The following CTNNA3 variants were observed in gnomAD, a reference collection of about 807,000 sequenced individuals.
CTNNA3 encodes catenin alpha-3.
CTNNA3 carries 76 observed loss-of-function variants against 95.7 expected under a neutral mutation model. The ratio of observed to expected loss-of-function variants is 0.79; its 90% confidence interval spans 0.66 to 0.96. CTNNA3 has a LOEUF of 0.96. Among genes scored for constraint, CTNNA3 ranks in the 40% least tolerant of loss-of-function variants. The pLI, the probability that CTNNA3 is intolerant of heterozygous loss-of-function variation, is 0.00. For synonymous variants in CTNNA3, 431 were observed against 374.4 expected (o/e 1.15, Z -1.74); for missense variants, 1,191 against 1,089.8 (o/e 1.09, Z -1.31).
chr10:66,077,836 C>A (rs1363979027), intron 14 of CTNNA3, among the ~76,000 whole-genome samples: 2 of 151,572 alleles, frequency 1.3e-5, no homozygotes, highest in Non-Finnish European at 3.0e-5. Context: ...AGGTGAAGAT[C>A]CAAGCCTTTA....
At chr10:67,029,472 C>T (rs1200652525) in intron 7 of CTNNA3, among the ~76,000 whole-genome samples, 1 of 152,102 alleles carries the variant, frequency 6.6e-6, no homozygotes, top group Non-Finnish European at 1.5e-5. Flanking sequence ...TTAGGAAAAG[C>T]ATGATAACCG....
At chr10:66,681,495 G>T (rs905834355) in intron 9 of CTNNA3, among the ~76,000 whole-genome samples, 2 of 152,100 alleles carry the variant, frequency 1.3e-5, no homozygotes, top group Admixed American at 6.6e-5. Context: ...GTCTGAAAAT[G>T]AATTTATCCA....
chr10:67,233,138 A>G (rs965202868), intron 5 of CTNNA3, among the ~76,000 whole-genome samples: 53 of 152,316 alleles, frequency 3.5e-4, no homozygotes, highest in Middle Eastern at 3.4e-3. Context: ...CAGGAATTGA[A>G]CTCAGCTCCG....
At chr10:66,330,863 T>C (rs559599958) in intron 12 of CTNNA3, among the ~76,000 whole-genome samples, 8 of 152,214 alleles carry the variant, frequency 5.3e-5, no homozygotes, top group East Asian at 1.9e-4. Context: ...GCTGCATAAA[T>C]GTCTTCTTTT....
At chr10:67,675,543 C>A (rs1840519820) in intron 1 of CTNNA3, among the ~76,000 whole-genome samples, 1 of 152,108 alleles carries the variant, frequency 6.6e-6, no homozygotes, top group Admixed American at 6.6e-5. Context: ...GGTGAAGGCT[C>A]AAAGTTGGCA....
intron 7 of CTNNA3, among the ~76,000 whole-genome samples, chr10:67,117,957 G>A (rs573010414): frequency 3.9e-4 from 59 of 152,006 alleles, no homozygotes; most frequent in Middle Eastern, 3.4e-3. Flanking sequence ...TTTCATGACC[G>A]ATTCAAGAGC....
intron 11 of CTNNA3, among the ~76,000 whole-genome samples, chr10:66,404,699 G>A (rs1051052197): frequency 3.3e-5 from 5 of 152,020 alleles, no homozygotes; most frequent in Non-Finnish European, 7.3e-5. Context: ...CTGCAGCCCT[G>A]TGGCCCAGGA....
At chr10:67,724,412 C>G (rs1463120026) in intron 1 of CTNNA3, among the ~76,000 whole-genome samples, 1 of 152,136 alleles carries the variant, frequency 6.6e-6, no homozygotes, top group East Asian at 1.9e-4. Context: ...TTCCCAATTT[C>G]GCATTCAGTT....
intron 10 of CTNNA3, among the ~76,000 whole-genome samples, chr10:66,578,788 T>C (rs1457442942): frequency 1.3e-5 from 2 of 150,816 alleles, no homozygotes; most frequent in African/African-American, 2.4e-5. Context: ...TTCTTTCTTT[T>C]TTTTTTTTTG....
intron 7 of CTNNA3, among the ~76,000 whole-genome samples, chr10:67,084,594 A>G (rs1857207655): frequency 6.6e-6 from 1 of 151,892 alleles, no homozygotes. Flanking sequence ...TTAACCATAT[A>G]TTTTTACAAG....
intron 5 of CTNNA3, among the ~76,000 whole-genome samples, chr10:67,297,923 T>C (rs1309809720): frequency 6.6e-6 from 1 of 152,240 alleles, no homozygotes; most frequent in Non-Finnish European, 1.5e-5. Context: ...GATTCTCCTT[T>C]GAGGTTTCTT....
At chr10:67,279,851 G>A (rs1473424165) in intron 5 of CTNNA3, among the ~76,000 whole-genome samples, 3 of 150,048 alleles carry the variant, frequency 2.0e-5, no homozygotes, top group East Asian at 1.9e-4. Flanking sequence ...AACTGATAAG[G>A]TTTACTAGGG....
intron 15 of CTNNA3, among the ~76,000 whole-genome samples, chr10:66,065,726 T>C (rs937628310): frequency 3.9e-5 from 6 of 152,296 alleles, no homozygotes; most frequent in African/African-American, 1.2e-4. Context: ...CTCATGGCTT[T>C]ACCCTTCATT....
intron 16 of CTNNA3, among the ~76,000 whole-genome samples, chr10:65,972,450 C>T (rs1433094015): frequency 6.6e-6 from 1 of 152,060 alleles, no homozygotes; most frequent in Non-Finnish European, 1.5e-5. Context: ...AAATACTTTA[C>T]TAAAAGGCTC....
intron 5 of CTNNA3, among the ~76,000 whole-genome samples, chr10:67,278,370 G>A (rs117897316): frequency 0.014 from 2,128 of 152,286 alleles, 32 homozygotes; most frequent in Middle Eastern, 0.062. Flanking sequence ...ATATTTTGGG[G>A]AGGCATGAGG....
chr10:66,266,334 C>T (rs959425174), intron 13 of CTNNA3, among the ~76,000 whole-genome samples: 13 of 151,986 alleles, frequency 8.6e-5, no homozygotes, highest in Non-Finnish European at 1.8e-4. Context: ...ATTTCTAATC[C>T]TGTGCTCACC....
chr10:66,873,128 G>A (rs1366730878), intron 7 of CTNNA3, among the ~76,000 whole-genome samples: 1 of 152,108 alleles, frequency 6.6e-6, no homozygotes, highest in Non-Finnish European at 1.5e-5. Context: ...TCATGTTTTT[G>A]CTATTGTGAA....
At chr10:66,466,187 A>C (rs1172319820) in intron 11 of CTNNA3, among the ~76,000 whole-genome samples, 1 of 151,998 alleles carries the variant, frequency 6.6e-6, no homozygotes, top group Non-Finnish European at 1.5e-5. Context: ...CTGGAGCTGC[A>C]ACATCAACTC....
chr10:66,119,354 C>A (rs917845185), intron 13 of CTNNA3, among the ~76,000 whole-genome samples: 1 of 152,104 alleles, frequency 6.6e-6, no homozygotes, highest in South Asian at 2.1e-4. Context: ...AATTTAATTA[C>A]AAAGTGTTCA....
Sources: allele counts gnomAD v4.1 joint callset (sites outside exome capture counted in the v4.1 genomes callset), GRCh38; gene constraint gnomAD v4.1.1; transcripts MANE v1.5; gene names NCBI Gene and HGNC (gene_info 2026-07-23, HGNC 2026-07-21).